PDE11A: variants seen among roughly 807,000 people sequenced by gnomAD.
PDE11A encodes the protein dual 3',5'-cyclic-AMP and -GMP phosphodiesterase 11A.
PDE11A carries 100 observed loss-of-function variants against 100.5 expected under a neutral mutation model. The observed-to-expected ratio is 1.00, with a 90% confidence interval of 0.85 to 1.18. The LOEUF is 1.18. Among genes scored for constraint, PDE11A ranks in the 50% most tolerant of loss-of-function variants. The pLI, the probability that PDE11A is intolerant of heterozygous loss-of-function variation, is 0.00. For synonymous variants in PDE11A, 381 were observed against 420.8 expected (o/e 0.91, Z 1.16); for missense variants, 1,141 against 1,152.6 (o/e 0.99, Z 0.15).
At chr2:177,664,672 G>A (rs2080541268) in intron 18 of PDE11A, among the ~76,000 whole-genome samples, 1 of 152,176 alleles carries the variant, frequency 6.6e-6, no homozygotes, top group Non-Finnish European at 1.5e-5. Context: ...TTAATTCACT[G>A]AACAAACACT....
intron 1 of PDE11A, among the ~76,000 whole-genome samples, chr2:178,048,605 G>A (rs1335083680): frequency 6.6e-6 from 1 of 152,032 alleles, no homozygotes; most frequent in Non-Finnish European, 1.5e-5. Context: ...TGGGAGTCAG[G>A]CCACCCCCAA....
chr2:177,942,692 C>T (rs1056699854), intron 2 of PDE11A, among the ~76,000 whole-genome samples: 7 of 152,028 alleles, frequency 4.6e-5, no homozygotes, highest in Admixed American at 2.0e-4. Context: ...AATGAGCCAC[C>T]GCACCCGGCT....
At chr2:177,905,958 T>A (rs1450650585) in intron 2 of PDE11A, among the ~76,000 whole-genome samples, 2 of 152,098 alleles carry the variant, frequency 1.3e-5, no homozygotes, top group Non-Finnish European at 2.9e-5. Context: ...GCATAGGGAT[T>A]TTTACTACTG....
chr2:177,730,675 T>C (rs942441404), intron 10 of PDE11A, among the ~76,000 whole-genome samples: 1 of 152,166 alleles, frequency 6.6e-6, no homozygotes, highest in Non-Finnish European at 1.5e-5. Context: ...GTATTTTTAA[T>C]AGTACCCTAA....
intron 12 of PDE11A, among the ~76,000 whole-genome samples, chr2:177,726,868 C>T (rs948712129): frequency 6.6e-5 from 10 of 151,648 alleles, no homozygotes; most frequent in Middle Eastern, 6.8e-3. Flanking sequence ...CAGATATGTA[C>T]GTACACATGT....
rs4020005 is a variant in PDE11A at position 177,624,260 on chromosome 2, GTTTT to G, written c.*5143_*5146del. The stretch of plus-strand genomic sequence containing the variant: ...AATGAATCCTTTTTGTGTTTTGGTG[GTTTT>G]TTTTTTTTTCAGCCAAGGCATTTTT... On this transcript the variant is annotated 3_prime_UTR_variant, in exon 20 of 20. Transcript: ENST00000286063. 1 of 142,822 alleles carries G rather than the reference GTTTT, an allele frequency of 7.0e-6. No individual in the cohort carries two copies. The highest frequency in any genetic ancestry group is 2.6e-5 in the African/African-American group (1 of 38,846). 8.8% of individuals were successfully genotyped at this position (142,822 alleles called of 1,614,324 possible).
intron 2 of PDE11A, among the ~76,000 whole-genome samples, chr2:177,977,669 C>T (rs373610648): frequency 8.2e-6 from 1 of 122,654 alleles, no homozygotes; most frequent in African/African-American, 3.3e-5. Flanking sequence ...GGAGGCATCA[C>T]ACTACCTGAC....
chr2:178,100,315 T>C (rs2087546944), intron 2 of PDE11A, among the ~76,000 whole-genome samples: 1 of 152,228 alleles, frequency 6.6e-6, no homozygotes, highest in Non-Finnish European at 1.5e-5. Context: ...CTATATTCTA[T>C]ACAAGTCATA....
chr2:177,918,959 A>G (rs1371625795), intron 2 of PDE11A, among the ~76,000 whole-genome samples: 1 of 152,114 alleles, frequency 6.6e-6, no homozygotes, highest in Non-Finnish European at 1.5e-5. Context: ...AGAGAAGGAG[A>G]CTCTCAAATA....
chr2:177,872,037 G>C (rs1253759460), intron 5 of PDE11A, among the ~76,000 whole-genome samples: 1 of 152,094 alleles, frequency 6.6e-6, no homozygotes, highest in Non-Finnish European at 1.5e-5. Flanking sequence ...GTGAAATCTG[G>C]TTATGTTTGT....
intron 10 of PDE11A, among the ~76,000 whole-genome samples, chr2:177,736,671 G>T (rs2081789246): frequency 6.6e-6 from 1 of 152,148 alleles, no homozygotes; most frequent in South Asian, 2.1e-4. Flanking sequence ...ACCTAGCAAA[G>T]GACCCCCATG....
rs576527424 is a variant in PDE11A, at chr2:177,819,402, G to C, written c.1576+818C>G. 1.8e-4 allele frequency among the ~76,000 whole-genome samples: 27 copies of C among 152,154 alleles called. No homozygotes were observed. In the South Asian group the frequency reaches 5.0e-3, roughly 28 times the overall value. ...GATGCATTAGTTACCAAATGAATTAGTGTTCTTACGTCTCTTAGGAAAAAA... is the reference window on the plus strand; with the variant it reads ...GATGCATTAGTTACCAAATGAATTACTGTTCTTACGTCTCTTAGGAAAAAA... On this transcript the variant is annotated intron_variant, in intron 7 of 19. Transcript: ENST00000286063.
chr2:177,778,784 G>A (rs1048315684), intron 9 of PDE11A, among the ~76,000 whole-genome samples: 2 of 152,168 alleles, frequency 1.3e-5, no homozygotes, highest in African/African-American at 2.4e-5. Flanking sequence ...CTGAACAGAC[G>A]CGTTGAAACT....
At chr2:177,781,067 A>C (rs1293808687) in intron 9 of PDE11A, among the ~76,000 whole-genome samples, 1 of 152,176 alleles carries the variant, frequency 6.6e-6, no homozygotes, top group Non-Finnish European at 1.5e-5. Flanking sequence ...AATCATGCCT[A>C]GCTTATGATT....
intron 2 of PDE11A, among the ~76,000 whole-genome samples, chr2:177,929,965 G>T (rs1286127589): frequency 6.6e-6 from 1 of 152,164 alleles, no homozygotes; most frequent in Non-Finnish European, 1.5e-5. Flanking sequence ...TACACTCCCT[G>T]CCAAGTAACG....
At chr2:177,875,561 G>A (rs2084220971) in intron 5 of PDE11A, among the ~76,000 whole-genome samples, 1 of 151,136 alleles carries the variant, frequency 6.6e-6, no homozygotes, top group African/African-American at 2.4e-5. Flanking sequence ...TTTGTATTTT[G>A]TAGTAGAGAC....
intron 10 of PDE11A, among the ~76,000 whole-genome samples, chr2:177,728,382 C>T (rs1439482105): frequency 1.6e-4 from 11 of 69,166 alleles, no homozygotes; most frequent in African/African-American, 5.2e-4. Flanking sequence ...GGGTTGGGGG[C>T]GGGGGGAGGG....
intron 9 of PDE11A, among the ~76,000 whole-genome samples, chr2:177,791,148 C>A (rs1052227744): frequency 6.6e-6 from 1 of 151,894 alleles, no homozygotes; most frequent in African/African-American, 2.4e-5. Context: ...AAATGTCCAA[C>A]AATGATAGAC....
chr2:177,645,929 A>G (rs2080218675), intron 19 of PDE11A, among the ~76,000 whole-genome samples: 1 of 152,334 alleles, frequency 6.6e-6, no homozygotes, highest in South Asian at 2.1e-4. Context: ...AAATGCAACA[A>G]TGCATTACAG....
Sources: allele counts gnomAD v4.1 joint callset (sites outside exome capture counted in the v4.1 genomes callset), GRCh38; gene constraint gnomAD v4.1.1; transcripts MANE v1.5; gene names NCBI Gene and HGNC (gene_info 2026-07-23, HGNC 2026-07-21).